The following PCARE variants were observed in gnomAD, a reference collection of about 807,000 sequenced individuals.
The protein encoded by PCARE is photoreceptor cilium actin regulator.
Under a neutral mutation model 82.2 loss-of-function variants are expected in PCARE, and 72 were observed. The observed-to-expected ratio is 0.88, with a 90% CI of 0.72 to 1.07. The LOEUF (loss-of-function observed/expected upper bound fraction) is 1.07. Among genes scored for constraint, PCARE ranks in the 50% least tolerant of loss-of-function variants. PCARE has a pLI of 0.00. For missense variants in PCARE, 1,768 were observed against 1,592.4 expected (o/e 1.11, Z -1.88); for synonymous variants, 705 against 634.8 (o/e 1.11, Z -1.66).
chr2:29,071,773 A>T lies in PCARE; in HGVS notation c.2489T>A (p.Leu830His). 1 of 1,613,356 alleles carries T rather than the reference A, an allele frequency of 6.2e-7. No homozygotes were observed. The highest frequency in any genetic ancestry group is 8.5e-7 in the Non-Finnish European group (1 of 1,179,458). The change falls in exon 1 of 2, where the codon CTC (leucine) becomes CAC (histidine). Residue 830 changes from leucine (L) to histidine (H), a missense_variant. Leu to His is a moderately conservative substitution (Grantham distance 99). Transcript: ENST00000331664. ...CAGAACTTCCATAGGCGGTGGAGGGAGGTGCTCGAGGTTCCCCTCCATTTC... is the reference window on the plus strand; with the variant it reads ...CAGAACTTCCATAGGCGGTGGAGGGTGGTGCTCGAGGTTCCCCTCCATTTC... ...SCEMEGNLEH[L>H]PPPPMEVLMD...
intron 1 of PCARE, among the ~76,000 whole-genome samples, chr2:29,068,422 C>T (rs539789740): frequency 1.3e-5 from 2 of 152,328 alleles, no homozygotes; most frequent in African/African-American, 4.8e-5. Context: ...AAATTAACTG[C>T]TGATTTACAC....
In PCARE at chr2:29,072,212, T is replaced by A. The variant is rs762336190; in HGVS notation, c.2050A>T (p.Ile684Phe). 1 of 1,614,252 alleles carries A rather than the reference T, an allele frequency of 6.2e-7. No homozygotes were observed. The highest frequency in any genetic ancestry group is 1.7e-5 in the Admixed American group (1 of 60,034). The stretch of plus-strand genomic sequence containing the variant: ...GGATGGGGATTGCATTTCTGCAAGA[T>A]GCTCTTGTCCTGACTAGGCAAAATA... ...FSILPSQDKSILQKCNPHPED... is the reference protein window; with the variant it reads ...FSILPSQDKSFLQKCNPHPED... Residue 684 changes from isoleucine (I) to phenylalanine (F), a missense_variant, in exon 1 of 2, where the codon ATC (isoleucine) becomes TTC (phenylalanine). Coordinates refer to ENST00000331664, the MANE Select transcript of PCARE (RefSeq NM_001029883.3).
rs773146399 is a variant in PCARE, at chr2:29,071,109, C to T, written c.3153G>A (p.Pro1051=). The change falls in exon 1 of 2, where the codon CCG becomes CCA. Residue 1051 remains proline, a synonymous_variant. Coordinates refer to ENST00000331664, the MANE Select transcript of PCARE (RefSeq NM_001029883.3). ...PPTTKRRTSP[P]HQPKLPNPPP... ...GAGGGTTGGGCAACTTGGGCTGGTG[C>T]GGTGGGGAAGTTCGCCGCTTTGTGG... is the stretch of plus-strand genomic sequence containing the variant. 9 of 1,586,830 alleles carry T rather than the reference C, an allele frequency of 5.7e-6. No homozygotes were observed. Among genetic ancestry groups the T allele is most frequent in the Admixed American group, 3.4e-5 (2 of 58,400 alleles).
rs1441400654 is a variant in PCARE at position 29,072,914 on chromosome 2, G to C, written c.1348C>G (p.Leu450Val). 1 of 1,614,160 alleles carries C rather than the reference G, an allele frequency of 6.2e-7. No homozygotes were observed. The highest frequency in any genetic ancestry group is 1.1e-5 in the South Asian group (1 of 91,070). ...PENITSPPLK[L>V]GTSTPCDSFG... ...GAATCACATGGGGTGCTTGTCCCCA[G>C]CTTCAAAGGTGGGGAGGTGATATTT... The change falls in exon 1 of 2, where the codon CTG (leucine) becomes GTG (valine). Residue 450 changes from leucine (L) to valine (V), a missense_variant. Coordinates refer to ENST00000331664, the MANE Select transcript of PCARE (RefSeq NM_001029883.3).
At position 29,070,703 on chromosome 2, in the gene PCARE, G is replaced by A; in HGVS notation, c.3559C>T (p.Leu1187=). The A allele has an allele frequency of 1.9e-6, 3 of 1,614,186 alleles. No individual in the cohort carries two copies. The highest frequency in any genetic ancestry group is 2.5e-6 in the Non-Finnish European group (3 of 1,180,036). Residue 1187 remains leucine, a synonymous_variant, in exon 1 of 2, where the codon CTG becomes TTG. Coordinates refer to ENST00000331664, the MANE Select transcript of PCARE (RefSeq NM_001029883.3). ...RRAALCALNP[L]PFLRRTASDR... ...GAAGCTGTCCTCCTGAGGAAAGGCA[G>A]AGGGTTGAGGGCACACAGAGCTGCT...
intron 1 of PCARE, among the ~76,000 whole-genome samples, chr2:29,065,659 A>G (rs1482034224): frequency 6.6e-6 from 1 of 152,184 alleles, no homozygotes; most frequent in Non-Finnish European, 1.5e-5. Flanking sequence ...GGAGTGCAGA[A>G]TGGAGGGTGG....
Position 29,073,966 on chromosome 2 carries a change from G to T in PCARE, c.296C>A (p.Ser99Tyr). 1.2e-6 allele frequency: 2 copies of T among 1,614,244 alleles called. No individual in the cohort carries two copies. The highest frequency in any genetic ancestry group is 1.7e-6 in the Non-Finnish European group (2 of 1,180,040). ...MEGLIPGTKT[S>Y]SSQLNKSQSH... is the part of the protein sequence containing the mutation. ...TTGTGATTTGTTCAGCTGGGATGAA[G>T]AGGTTTTGGTTCCTGGGATCAGTCC... Residue 99 changes from serine (S) to tyrosine (Y), a missense_variant, in exon 1 of 2, where the codon TCT becomes TAT. By Grantham distance (144) the Ser-to-Tyr change is moderately radical. Transcript: ENST00000331664.
At position 29,072,907 on chromosome 2, in the gene PCARE, G is replaced by C. The variant is rs760012557; in HGVS notation, c.1355C>G (p.Thr452Arg). 3 of 1,614,166 alleles carry C rather than the reference G, an allele frequency of 1.9e-6. No individual in the cohort carries two copies. Among genetic ancestry groups the C allele is most frequent in the South Asian group, 2.2e-5 (2 of 91,076 alleles). The stretch of plus-strand genomic sequence containing the variant: ...CCCAAAGGAATCACATGGGGTGCTT[G>C]TCCCCAGCTTCAAAGGTGGGGAGGT... ...NITSPPLKLGTSTPCDSFGIG... is the reference protein window; with the variant it reads ...NITSPPLKLGRSTPCDSFGIG... Residue 452 changes from threonine (T) to arginine (R), a missense_variant, in exon 1 of 2, where the codon ACA (threonine) becomes AGA (arginine). Thr to Arg is a moderately conservative substitution (Grantham distance 71, BLOSUM62 -1). Coordinates refer to ENST00000331664, the MANE Select transcript of PCARE (RefSeq NM_001029883.3).
chr2:29,073,217 C>T lies in PCARE; in HGVS notation c.1045G>A (p.Asp349Asn). Residue 349 changes from aspartate to asparagine, a missense_variant, in exon 1 of 2, where the codon GAC becomes AAC. Asp to Asn is a conservative substitution (Grantham distance 23). Coordinates refer to ENST00000331664, the MANE Select transcript of PCARE (RefSeq NM_001029883.3). Reference protein sequence around the residue: ...GVQGLPLCSEDSGIGADNESV... With the variant: ...GVQGLPLCSENSGIGADNESV... ...TCATTGTCAGCACCAATGCCACTGT[C>T]CTCAGAGCATAAGGGGAGACCCTGC... The T allele has an allele frequency of 6.2e-7, 1 of 1,614,178 alleles. No individual in the cohort carries two copies. The highest frequency in any genetic ancestry group is 8.5e-7 in the Non-Finnish European group (1 of 1,180,022).
chr2:29,065,535 G>T (rs891629584), intron 1 of PCARE, among the ~76,000 whole-genome samples: 45 of 152,360 alleles, frequency 3.0e-4, no homozygotes, highest in African/African-American at 1.1e-3. Context: ...CCCAGCGCAG[G>T]CCCCGCATTT....
Position 29,074,344 on chromosome 2 carries a change from C to T in PCARE, c.-83G>A. 1 of 1,433,764 alleles carries T rather than the reference C, an allele frequency of 7.0e-7. No homozygotes were observed. The highest frequency in any genetic ancestry group is 2.3e-5 in the Admixed American group (1 of 42,844). 88.8% of individuals were successfully genotyped at this position (1,433,764 alleles called of 1,614,324 possible). On this transcript the variant is annotated 5_prime_UTR_variant, in exon 1 of 2. An upstream open reading frame in the 5' UTR loses its in-frame stop. Transcript: ENST00000331664. ...GAAATAGGAACAAAAGGCAATCTTA[C>T]TAGTCCATCCAGGCAATTTTCAGGC...
Position 29,073,966 on chromosome 2 carries a change from G to A in PCARE, c.296C>T (p.Ser99Phe), listed in dbSNP as rs1572830030. The change falls in exon 1 of 2, where the codon TCT (serine) becomes TTT (phenylalanine). Residue 99 changes from serine to phenylalanine, a missense_variant. By Grantham distance (155) the Ser-to-Phe change is radical (BLOSUM62 -2). Coordinates refer to ENST00000331664, the MANE Select transcript of PCARE (RefSeq NM_001029883.3). Reference protein sequence around the residue: ...MEGLIPGTKTSSSQLNKSQSH... With the variant: ...MEGLIPGTKTFSSQLNKSQSH... ...TTGTGATTTGTTCAGCTGGGATGAA[G>A]AGGTTTTGGTTCCTGGGATCAGTCC... is the stretch of plus-strand genomic sequence containing the variant. The A allele has an allele frequency of 6.2e-7, 1 of 1,614,244 alleles. No homozygotes were observed. Among genetic ancestry groups the A allele is most frequent in the Non-Finnish European group, 8.5e-7 (1 of 1,180,040 alleles).
At position 29,072,082 on chromosome 2, in the gene PCARE, G is replaced by T. The variant is rs762545420; in HGVS notation, c.2180C>A (p.Thr727Asn). The change falls in exon 1 of 2, where the codon ACC becomes AAC. Residue 727 changes from threonine to asparagine, a missense_variant. Coordinates refer to ENST00000331664, the MANE Select transcript of PCARE (RefSeq NM_001029883.3). The stretch of plus-strand genomic sequence containing the variant: ...AATAAGCTTCTTGACGGATGTTCTG[G>T]TGGGACAGCCTCTGACATTCCAGTC... ...ATDWNVRGCP[T>N]RTSVKKLIET... 1 of 1,614,228 alleles carries T rather than the reference G, an allele frequency of 6.2e-7. No homozygotes were observed. The highest frequency in any genetic ancestry group is 8.5e-7 in the Non-Finnish European group (1 of 1,180,046).
rs10166913 is a variant in PCARE at position 29,072,523 on chromosome 2, G to T, written c.1739C>A (p.Thr580Lys). Residue 580 changes from threonine (T) to lysine (K), a missense_variant, in exon 1 of 2, where the codon ACG (threonine) becomes AAG (lysine). Transcript: ENST00000331664. ...AGGGGCCCTCCTGCTGCCACTTACC[G>T]TGCTAGGTCTTGGGGGGACCACTGT... is the stretch of plus-strand genomic sequence containing the variant. ...GRTVVPPRPS[T>K]VSGSRRAPER... 10 of 1,613,904 alleles carry T rather than the reference G, an allele frequency of 6.2e-6. No homozygotes were observed. The highest frequency in any genetic ancestry group is 1.1e-5 in the South Asian group (1 of 91,070).
rs925000491 is a variant in PCARE, at chr2:29,064,192, T to C, written c.*677A>G. On this transcript the variant is annotated 3_prime_UTR_variant, in exon 2 of 2. Transcript: ENST00000331664. The stretch of plus-strand genomic sequence containing the variant: ...CTCAGCCTTCTCATTTTGGGAGCCA[T>C]GCACTTCTAAACAAAGCTCTCAATA... The C allele has an allele frequency of 6.5e-6, 1 of 153,224 alleles. No homozygotes were observed. Among genetic ancestry groups the C allele is most frequent in the Non-Finnish European group, 1.5e-5 (1 of 68,388 alleles). 9.5% of individuals were successfully genotyped at this position (153,224 alleles called of 1,614,324 possible).
In PCARE at chr2:29,071,707, C is replaced by A. The variant is rs751489707; in HGVS notation, c.2555G>T (p.Ser852Ile). ...SFASLESPES[S>I]KSTENSPKET... The stretch of plus-strand genomic sequence containing the variant: ...CTTGGGGGAGTTCTCTGTGGACTTG[C>A]TGCTTTCTGGGGACTCCAGAGAAGC... Residue 852 changes from serine to isoleucine, a missense_variant, in exon 1 of 2, where the codon AGC (serine) becomes ATC (isoleucine). By Grantham distance (142) the Ser-to-Ile change is moderately radical. Coordinates refer to ENST00000331664, the MANE Select transcript of PCARE (RefSeq NM_001029883.3). 5 of 1,614,016 alleles carry A rather than the reference C, an allele frequency of 3.1e-6. No homozygotes were observed. Among genetic ancestry groups the A allele is most frequent in the South Asian group, 1.1e-5 (1 of 91,084 alleles).
Position 29,065,062 on chromosome 2 carries a change from C to A in PCARE, c.3674G>T (p.Ser1225Ile), listed in dbSNP as rs1667372168. 1 of 1,550,126 alleles carries A rather than the reference C, an allele frequency of 6.5e-7. No homozygotes were observed. Among genetic ancestry groups the A allele is most frequent in the African/African-American group, 1.4e-5 (1 of 73,120 alleles). Reference sequence around the variant, plus strand: ...TGTGTCCTTCTTAGGGCTCTCCTCGCTGCTGCTGCCGAGAGAAAGGACAAG... The same window carrying A: ...TGTGTCCTTCTTAGGGCTCTCCTCGATGCTGCTGCCGAGAGAAAGGACAAG... ...YESQLGQNSS[S>I]EESPKKDTEP... The change falls in exon 2 of 2, where the codon AGC becomes ATC. Residue 1225 changes from serine (S) to isoleucine (I), a missense_variant. Ser to Ile is a moderately radical substitution (Grantham distance 142). Transcript: ENST00000331664.
intron 1 of PCARE, among the ~76,000 whole-genome samples, chr2:29,068,973 G>A (rs967904605): frequency 1.3e-5 from 2 of 152,138 alleles, no homozygotes; most frequent in African/African-American, 2.4e-5. Flanking sequence ...ACTTATAGGG[G>A]GCCCACGATG....
At position 29,071,342 on chromosome 2, in the gene PCARE, C is replaced by T. The variant is rs1191512131; in HGVS notation, c.2920G>A (p.Glu974Lys). ...TGCCTTGGTCTGGCCAGGCTGGACTCTGAGGTCCTGTTTTGTCCAGATGGA... is the reference window on the plus strand; with the variant it reads ...TGCCTTGGTCTGGCCAGGCTGGACTTTGAGGTCCTGTTTTGTCCAGATGGA... ...GPPSGQNRTS[E>K]SSLARPRQSR... The change falls in exon 1 of 2, where the codon GAG becomes AAG. Residue 974 changes from glutamate (E) to lysine (K), a missense_variant. Physicochemically the swap from Glu to Lys is moderately conservative, Grantham distance 56. Coordinates refer to ENST00000331664, the MANE Select transcript of PCARE (RefSeq NM_001029883.3). 1 of 1,613,650 alleles carries T rather than the reference C, an allele frequency of 6.2e-7. No individual in the cohort carries two copies.
Sources: gnomAD v4.1 joint callset for allele counts (sites outside exome capture counted in the v4.1 genomes callset) on GRCh38, gnomAD v4.1.1 for gene constraint, MANE v1.5 for transcripts, NCBI Gene and HGNC (gene_info 2026-07-23, HGNC 2026-07-21) for gene names.